C1QTNF9: variants seen among roughly 807,000 people sequenced by gnomAD.
C1QTNF9 encodes the protein C1q and TNF related 9, also known as complement C1q and tumor necrosis factor-related protein 9A.
A neutral mutation model predicts 10.1 loss-of-function variants in C1QTNF9; 6 were observed. The observed-to-expected ratio is 0.59, with a 90% CI of 0.32 to 1.17. The LOEUF is 1.17. Among genes scored for constraint, C1QTNF9 ranks in the 50% most tolerant of loss-of-function variants. The probability of loss-of-function intolerance (pLI) is 0.04; values close to 1 mark genes in which losing one functional copy is unlikely to be tolerated. For synonymous variants in C1QTNF9, 98 were observed against 163.5 expected (o/e 0.60, Z 3.06); for missense variants, 201 against 418.8 (o/e 0.48, Z 4.54).
rs183188191 is a variant in C1QTNF9 at position 24,312,965 on chromosome 13, A to T, written c.-22-3017A>T. Among the ~76,000 whole-genome samples the T allele has an allele frequency of 3.1e-3, 469 of 151,562 alleles. 3 individuals carry two copies. The highest frequency in any genetic ancestry group is 0.011 in the African/African-American group (437 of 41,334). On this transcript the variant is annotated intron_variant, in intron 1 of 3. Coordinates refer to ENST00000332018, the Ensembl canonical transcript of C1QTNF9. ...GCGAGACTCTATCTCAAAAAAAAAA[A>T]AAAAGAAAAAAAAAATAGTGCCAAC...
At chr13:24,311,194 G>A (rs1877807939) in intron 1 of C1QTNF9, among the ~76,000 whole-genome samples, 3 of 152,166 alleles carry the variant, frequency 2.0e-5, no homozygotes, top group Non-Finnish European at 1.5e-5. Context: ...AACCTTGGCT[G>A]TAGAATTAAG....
intron 1 of C1QTNF9, among the ~76,000 whole-genome samples, chr13:24,313,484 G>A (rs1021983562): frequency 2.0e-5 from 3 of 152,142 alleles, no homozygotes; most frequent in Non-Finnish European, 2.9e-5. Flanking sequence ...GACTGCTTCC[G>A]GCCACTTCTG....
upstream of C1QTNF9, among the ~76,000 whole-genome samples, chr13:24,309,308 T>TATATATATATATATATATATATATATA (rs1480664232): frequency 4.2e-5 from 6 of 141,550 alleles, no homozygotes; most frequent in Admixed American, 7.0e-5. Context: ...TATATATATA[T>TATATATATATATATATATATATATATA]GAAAGAAACC....
intron 1 of C1QTNF9, among the ~76,000 whole-genome samples, chr13:24,312,442 G>A (rs1877864909): frequency 1.3e-5 from 2 of 152,162 alleles, no homozygotes. Context: ...TCTGGGAAAA[G>A]ACCAGACCCA....
At chr13:24,321,066 T>C in exon 4 of C1QTNF9, 1 of 1,514,218 alleles carries the variant, frequency 6.6e-7, no homozygotes, top group Non-Finnish European at 9.0e-7. Flanking sequence ...CAGGAAAACA[T>C]GGCCCCAAGG....
chr13:24,313,588 C>G (rs929339365), intron 1 of C1QTNF9, among the ~76,000 whole-genome samples: 1 of 152,138 alleles, frequency 6.6e-6, no homozygotes, highest in African/African-American at 2.4e-5. Flanking sequence ...TTTGTGACTT[C>G]GAAGGGAAGC....
intron 2 of C1QTNF9, among the ~76,000 whole-genome samples, chr13:24,318,330 T>A (rs1298673472): frequency 1.3e-5 from 2 of 152,202 alleles, no homozygotes; most frequent in Non-Finnish European, 2.9e-5. Context: ...AACTCTCTCT[T>A]CTATCTTGGG....
chr13:24,315,608 T>C (rs12585501), intron 1 of C1QTNF9: 27,092 of 288,582 alleles, frequency 0.094, 1,690 homozygotes, highest in East Asian at 0.27. Flanking sequence ...GAATGTGCCT[T>C]TATGCATATC....
chr13:24,319,759 C>T (rs1048304490), intron 3 of C1QTNF9, among the ~76,000 whole-genome samples: 1 of 152,014 alleles, frequency 6.6e-6, no homozygotes, highest in African/African-American at 2.4e-5. Context: ...TAGAACTGGT[C>T]CCTGATGGGT....
intron 2 of C1QTNF9, among the ~76,000 whole-genome samples, chr13:24,317,018 T>G (rs1464090176): frequency 6.6e-6 from 1 of 152,236 alleles, no homozygotes; most frequent in African/African-American, 2.4e-5. Flanking sequence ...CTTATGGCAT[T>G]TGGTGGCCTG....
At chr13:24,318,649 GC>G (rs1878134218) in intron 2 of C1QTNF9, among the ~76,000 whole-genome samples, 168 bp from the exon 3 acceptor site, 1 of 152,382 alleles carries the variant, frequency 6.6e-6, no homozygotes, top group Admixed American at 6.5e-5. Flanking sequence ...CACCCCAGAT[GC>G]CCGCTCATGC....
upstream of C1QTNF9, among the ~76,000 whole-genome samples, chr13:24,309,293 A>ATATATATATATATATATATATATATG: frequency 3.2e-5 from 2 of 62,926 alleles, no homozygotes; most frequent in South Asian, 1.1e-3. Context: ...TTATATATAT[A>ATATATATATATATATATATATATATG]TATATATATA....
chr13:24,309,449 TG>T (rs1877730961), upstream of C1QTNF9: 3 of 152,156 alleles, frequency 2.0e-5, no homozygotes, highest in African/African-American at 7.2e-5. Flanking sequence ...CTGTAATTCT[TG>T]AAGCTCTTCC....
intron 1 of C1QTNF9, among the ~76,000 whole-genome samples, chr13:24,311,188 T>C (rs1877807707): frequency 6.6e-6 from 1 of 152,112 alleles, no homozygotes; most frequent in Non-Finnish European, 1.5e-5. Flanking sequence ...AGTGATAACC[T>C]TGGCTGTAGA....
At chr13:24,321,504 T>G in exon 4 of C1QTNF9, 1 of 1,613,792 alleles carries the variant, frequency 6.2e-7, no homozygotes, top group Non-Finnish European at 8.5e-7. Context: ...GCCACATTGC[T>G]GGGGTCTATT....
At chr13:24,310,765 A>G (rs1368074485) in intron 1 of C1QTNF9, among the ~76,000 whole-genome samples, 1 of 151,816 alleles carries the variant, frequency 6.6e-6, no homozygotes, top group Non-Finnish European at 1.5e-5. Context: ...ACAAAAAATT[A>G]GCCAGGCGTG....
intron 3 of C1QTNF9, among the ~76,000 whole-genome samples, chr13:24,319,410 G>A (rs1323284103): frequency 7.9e-5 from 12 of 152,154 alleles, no homozygotes; most frequent in East Asian, 1.9e-4. Context: ...ATTGTGGCAC[G>A]TGCCTGTAGT....
At chr13:24,311,815 A>G (rs1012347156) in intron 1 of C1QTNF9, among the ~76,000 whole-genome samples, 6 of 152,242 alleles carry the variant, frequency 3.9e-5, no homozygotes, top group Admixed American at 1.3e-4. Context: ...GGGTTTTTCT[A>G]TCCCCAAATT....
intron 2 of C1QTNF9, among the ~76,000 whole-genome samples, chr13:24,318,198 G>T (rs1471125058): frequency 6.6e-6 from 1 of 152,112 alleles, no homozygotes; most frequent in East Asian, 1.9e-4. Context: ...TGGAGCTCAG[G>T]GGGGCCTGTT....
Sources: allele counts gnomAD v4.1 joint callset (sites outside exome capture counted in the v4.1 genomes callset), GRCh38; gene constraint gnomAD v4.1.1; transcripts MANE v1.5; gene names NCBI Gene and HGNC (gene_info 2026-07-23, HGNC 2026-07-21).